Variants in LRRC4C observed in about 807,000 individuals in gnomAD.
LRRC4C encodes the protein leucine rich repeat containing 4C.
Under a neutral mutation model 33.6 loss-of-function variants are expected in LRRC4C, and 5 were observed. The ratio of observed to expected loss-of-function variants is 0.15; its 90% CI spans 0.08 to 0.31. The LOEUF is 0.31. LRRC4C is among the 10% of genes least tolerant of loss of function. The probability of loss-of-function intolerance (pLI) is 1.00; values close to 1 mark genes in which losing one functional copy is unlikely to be tolerated. For missense variants in LRRC4C, 560 were observed against 796.7 expected (o/e 0.70, Z 3.58); for synonymous variants, 329 against 302.0 (o/e 1.09, Z -0.93).
At chr11:41,020,192 AAT>A (rs1855866839) in intron 1 of LRRC4C, among the ~76,000 whole-genome samples, 1 of 152,110 alleles carries the variant, frequency 6.6e-6, no homozygotes, top group African/African-American at 2.4e-5. Context: ...TATAGTACAA[AAT>A]ATGTCTGATC....
chr11:41,255,496 G>T (rs907133129), intron 1 of LRRC4C, among the ~76,000 whole-genome samples: 1 of 151,922 alleles, frequency 6.6e-6, no homozygotes, highest in African/African-American at 2.4e-5. Context: ...TTGAGACTTG[G>T]TTGCTTAATG....
chr11:40,194,935 C>A (rs1194419603), intron 5 of LRRC4C, among the ~76,000 whole-genome samples: 3 of 132,968 alleles, frequency 2.3e-5, no homozygotes, highest in Non-Finnish European at 5.0e-5. Context: ...TAAAAAAAAA[C>A]AAACAATTAG....
intron 5 of LRRC4C, among the ~76,000 whole-genome samples, chr11:40,156,586 C>T (rs916989602): frequency 1.3e-5 from 2 of 151,928 alleles, no homozygotes; most frequent in Non-Finnish European, 2.9e-5. Flanking sequence ...AAGAACTCAA[C>T]CTCTTTTACA....
intron 6 of LRRC4C, among the ~76,000 whole-genome samples, chr11:40,122,375 A>G (rs1251449739): frequency 2.0e-5 from 3 of 152,178 alleles, no homozygotes; most frequent in South Asian, 2.1e-4. Flanking sequence ...TAAGCCCCGC[A>G]TGCATTAGCT....
chr11:41,038,862 G>C (rs1308146644), intron 1 of LRRC4C, among the ~76,000 whole-genome samples: 1 of 152,124 alleles, frequency 6.6e-6, no homozygotes. Context: ...CAAGAGGAAA[G>C]AGAAGGTCAC....
intron 1 of LRRC4C, among the ~76,000 whole-genome samples, chr11:41,372,955 T>C (rs1952807563): frequency 6.6e-6 from 1 of 152,168 alleles, no homozygotes; most frequent in Non-Finnish European, 1.5e-5. Context: ...TATTTAGCAA[T>C]AGAACTTACT....
chr11:40,279,874 T>A (rs914481637), intron 4 of LRRC4C, among the ~76,000 whole-genome samples: 4 of 152,200 alleles, frequency 2.6e-5, no homozygotes, highest in African/African-American at 9.7e-5. Flanking sequence ...TATGGGACTA[T>A]GCTCTGGGAG....
At chr11:40,711,133 G>A (rs749658568) in intron 2 of LRRC4C, among the ~76,000 whole-genome samples, 7 of 152,162 alleles carry the variant, frequency 4.6e-5, no homozygotes, top group Non-Finnish European at 7.4e-5. Flanking sequence ...GAAATCCCCC[G>A]ACCCCTTTCG....
chr11:40,521,477 CCATT>C (rs1218938789), intron 3 of LRRC4C, among the ~76,000 whole-genome samples: 1 of 152,108 alleles, frequency 6.6e-6, no homozygotes, highest in African/African-American at 2.4e-5. Flanking sequence ...ATTTATTTGT[CCATT>C]CATTCAAATA....
At chr11:40,400,017 T>G (rs1949700455) in intron 3 of LRRC4C, among the ~76,000 whole-genome samples, 1 of 152,144 alleles carries the variant, frequency 6.6e-6, no homozygotes, top group Non-Finnish European at 1.5e-5. Flanking sequence ...TCAAATTTAT[T>G]TCAAGGAATC....
intron 1 of LRRC4C, among the ~76,000 whole-genome samples, chr11:41,294,097 GA>G (rs2137028838): frequency 6.6e-6 from 1 of 152,258 alleles, no homozygotes; most frequent in Admixed American, 6.5e-5. Context: ...GAAGTGGTGT[GA>G]AAGACTAAAA....
At chr11:41,228,833 C>T (rs985672537) in intron 1 of LRRC4C, among the ~76,000 whole-genome samples, 1 of 152,124 alleles carries the variant, frequency 6.6e-6, no homozygotes, top group Non-Finnish European at 1.5e-5. Flanking sequence ...TTACACTTAA[C>T]TGCATCTTTA....
intron 2 of LRRC4C, among the ~76,000 whole-genome samples, chr11:40,921,670 T>A (rs1213109402): frequency 6.6e-6 from 1 of 152,218 alleles, no homozygotes. Context: ...ATATGACATT[T>A]TGATACCTGC....
intron 3 of LRRC4C, among the ~76,000 whole-genome samples, chr11:40,565,503 A>G (rs1957720532): frequency 1.3e-5 from 2 of 152,098 alleles, no homozygotes; most frequent in African/African-American, 4.8e-5. Context: ...TTTAGGGGCA[A>G]TATTTTCCTT....
chr11:40,847,788 T>C (rs1017683832), intron 2 of LRRC4C, among the ~76,000 whole-genome samples: 1 of 150,942 alleles, frequency 6.6e-6, no homozygotes, highest in East Asian at 1.9e-4. Flanking sequence ...GGGCTTTTTT[T>C]TTTTTTTTTT....
chr11:40,754,343 G>A (rs1264688024), intron 2 of LRRC4C, among the ~76,000 whole-genome samples: 1 of 152,042 alleles, frequency 6.6e-6, no homozygotes. Flanking sequence ...CAGGTAGATA[G>A]GTAGATAGGT....
intron 4 of LRRC4C, among the ~76,000 whole-genome samples, chr11:40,272,519 AC>A (rs1159660029): frequency 6.6e-6 from 1 of 152,146 alleles, no homozygotes; most frequent in African/African-American, 2.4e-5. Flanking sequence ...TTGAAAAATT[AC>A]ATGCATGAAG....
intron 2 of LRRC4C, among the ~76,000 whole-genome samples, chr11:40,698,220 A>G (rs2136461900): frequency 6.6e-6 from 1 of 152,268 alleles, no homozygotes; most frequent in East Asian, 1.9e-4. Context: ...AGTTCAAGGA[A>G]ATGACCCCTT....
chr11:40,722,442 T>C (rs190291084), intron 2 of LRRC4C, among the ~76,000 whole-genome samples: 64 of 152,242 alleles, frequency 4.2e-4, no homozygotes, highest in South Asian at 8.3e-4. Context: ...TGCTTCAAAA[T>C]GTAATGCTGT....
Sources: gnomAD v4.1 joint callset for allele counts (sites outside exome capture counted in the v4.1 genomes callset) on GRCh38, gnomAD v4.1.1 for gene constraint, MANE v1.5 for transcripts, NCBI Gene and HGNC (gene_info 2026-07-23, HGNC 2026-07-21) for gene names.